MAP2K6: variants seen among roughly 807,000 people sequenced by gnomAD.
MAP2K6 encodes dual specificity mitogen-activated protein kinase kinase 6.
Under a neutral mutation model 53.7 loss-of-function variants are expected in MAP2K6, and 16 were observed. The observed-to-expected ratio is 0.30, with a 90% confidence interval of 0.20 to 0.45. The LOEUF (loss-of-function observed/expected upper bound fraction) is 0.45, where lower values mean the gene tolerates loss of function less well. Among genes scored for constraint, MAP2K6 ranks in the 20% least tolerant of loss-of-function variants. MAP2K6 has a pLI of 1.00. For synonymous variants in MAP2K6, 132 were observed against 143.1 expected (o/e 0.92, Z 0.55); for missense variants, 204 against 411.9 (o/e 0.50, Z 4.37).
At chr17:69,428,465 A>C (rs577809387) in intron 1 of MAP2K6, among the ~76,000 whole-genome samples, 1 of 152,354 alleles carries the variant, frequency 6.6e-6, no homozygotes, top group Admixed American at 6.5e-5. Flanking sequence ...GTCATATTAA[A>C]GTTAGGGCCC....
At chr17:69,418,254 G>A (rs1905966513) in intron 1 of MAP2K6, among the ~76,000 whole-genome samples, 1 of 152,120 alleles carries the variant, frequency 6.6e-6, no homozygotes, top group Admixed American at 6.5e-5. Context: ...TTTAGAGCAT[G>A]CGGCCTGTTA....
intron 1 of MAP2K6, among the ~76,000 whole-genome samples, chr17:69,482,580 G>A (rs1434553010): frequency 6.6e-6 from 1 of 150,962 alleles, no homozygotes; most frequent in African/African-American, 2.4e-5. Context: ...TTCACTTAAT[G>A]TATTTTGGAG....
intron 10 of MAP2K6, among the ~76,000 whole-genome samples, chr17:69,529,668 G>A (rs943706966): frequency 2.0e-5 from 3 of 151,544 alleles, no homozygotes; most frequent in South Asian, 2.1e-4. Context: ...CCGCCACCAC[G>A]CCCGGCTAAT....
intron 6 of MAP2K6, chr17:69,520,687 G>T: frequency 2.7e-6 from 1 of 375,048 alleles, no homozygotes; most frequent in Non-Finnish European, 4.7e-6. Flanking sequence ...TTTCATTTAT[G>T]GATTTTTAAA....
At chr17:69,447,753 T>G (rs944768269) in intron 1 of MAP2K6, among the ~76,000 whole-genome samples, 1 of 152,196 alleles carries the variant, frequency 6.6e-6, no homozygotes, top group African/African-American at 2.4e-5. Flanking sequence ...TTTGGGCCAT[T>G]GGGGCATTCA....
At chr17:69,489,693 T>C (rs1297079685) in intron 1 of MAP2K6, among the ~76,000 whole-genome samples, 1 of 152,224 alleles carries the variant, frequency 6.6e-6, no homozygotes, top group African/African-American at 2.4e-5. Context: ...CTACAGTACT[T>C]TGAAAATAAG....
chr17:69,502,571 T>C (rs1171900257), intron 1 of MAP2K6: 1 of 985,212 alleles, frequency 1.0e-6, no homozygotes. Flanking sequence ...GGAGCTGATA[T>C]ACTTGGAAAT....
chr17:69,438,774 G>C (rs1250445079), intron 1 of MAP2K6, among the ~76,000 whole-genome samples: 1 of 151,994 alleles, frequency 6.6e-6, no homozygotes, highest in African/African-American at 2.4e-5. Flanking sequence ...TTGTAGAAAT[G>C]GGGTCTTACT....
chr17:69,527,586 C>G lies in MAP2K6; in HGVS notation c.881+877C>G, dbSNP rs191587271. Among the ~76,000 whole-genome samples the G allele has an allele frequency of 2.0e-5, 3 of 152,246 alleles. No homozygotes were observed. The East Asian group carries it at 5.8e-4, about 29-fold the overall frequency. On this transcript the variant is annotated intron_variant, in intron 10 of 11. Transcript: ENST00000590474. ...GGCAAGTGATGCTGGAAGCAGGATG[C>G]CAGAAGTGAAGCACACCCCTGAGCC...
intron 7 of MAP2K6, among the ~76,000 whole-genome samples, chr17:69,522,812 T>A (rs996886819): frequency 1.3e-5 from 2 of 151,550 alleles, no homozygotes; most frequent in African/African-American, 4.9e-5. Flanking sequence ...TCACAGCCCT[T>A]TGGGAGGTGG....
chr17:69,530,991 C>G lies in MAP2K6; in HGVS notation c.881+4282C>G, dbSNP rs926801534. On this transcript the variant is annotated intron_variant, in intron 10 of 11. Coordinates refer to ENST00000590474, the MANE Select transcript of MAP2K6 (RefSeq NM_002758.4). ...CCCTGTGCACGTAACTCCCCTTTAT[C>G]AGCTATTCTTTTATTTTTCTCATGA... Among the ~76,000 whole-genome samples, 5 of 152,052 alleles carry G rather than the reference C, an allele frequency of 3.3e-5. 1 individual carries two copies. The East Asian group carries it at 9.6e-4, about 29-fold the overall frequency.
At chr17:69,428,836 A>G (rs937902754) in intron 1 of MAP2K6, among the ~76,000 whole-genome samples, 1 of 147,488 alleles carries the variant, frequency 6.8e-6, no homozygotes, top group Admixed American at 6.8e-5. Flanking sequence ...CGGACAGACT[A>G]CCTGCCCTTT....
At chr17:69,461,733 C>T (rs1182251908) in intron 1 of MAP2K6, among the ~76,000 whole-genome samples, 1 of 152,164 alleles carries the variant, frequency 6.6e-6, no homozygotes, top group African/African-American at 2.4e-5. Flanking sequence ...CCTTTGCATC[C>T]TCGTCCCAAG....
At chr17:69,452,140 G>T (rs527978531) in intron 1 of MAP2K6, among the ~76,000 whole-genome samples, 2 of 151,832 alleles carry the variant, frequency 1.3e-5, no homozygotes, top group South Asian at 4.2e-4. Context: ...TACCCCTAGG[G>T]TACATTTACA....
chr17:69,449,531 G>GTCTTTCTTTCTTTGTCTT (rs1555602226), intron 1 of MAP2K6, among the ~76,000 whole-genome samples: 1,363 of 103,286 alleles, frequency 0.013, 31 homozygotes, highest in South Asian at 0.025. Flanking sequence ...TTCTTTCTTT[G>GTCTTTCTTTCTTTGTCTT]TCTTTCTTTC....
At position 69,551,924 on chromosome 17, in the gene MAP2K6, C is replaced by G. The variant is rs1476321397; in HGVS notation, c.*10171C>G. On this transcript the variant is annotated 3_prime_UTR_variant, in exon 12 of 12. Coordinates refer to ENST00000590474, the MANE Select transcript of MAP2K6 (RefSeq NM_002758.4). Reference sequence around the variant, plus strand: ...ATTTTGTGAAAATCTTGATGAGACACTAGAATTTCTTTATGGAATTGAACT... The same window carrying G: ...ATTTTGTGAAAATCTTGATGAGACAGTAGAATTTCTTTATGGAATTGAACT... 2 of 152,072 alleles carry G rather than the reference C, an allele frequency of 1.3e-5. No individual in the cohort carries two copies. Among genetic ancestry groups the G allele is most frequent in the African/African-American group, 4.8e-5 (2 of 41,398 alleles). The allele number at this position is 152,072 out of a possible 1,614,324, so 9.4% of individuals were successfully genotyped here.
chr17:69,434,334 T>C (rs1302793851), intron 1 of MAP2K6: 3 of 152,260 alleles, frequency 2.0e-5, no homozygotes, highest in Admixed American at 2.0e-4. Flanking sequence ...TCATACGACA[T>C]GTCTCCCCCT....
At chr17:69,417,285 G>A (rs909298362) in intron 1 of MAP2K6, among the ~76,000 whole-genome samples, 4 of 152,128 alleles carry the variant, frequency 2.6e-5, no homozygotes, top group African/African-American at 9.7e-5. Flanking sequence ...TCTAACCCAA[G>A]AAATGGGAGG....
intron 1 of MAP2K6, among the ~76,000 whole-genome samples, chr17:69,459,787 TA>T (rs35175466): frequency 6.0e-5 from 9 of 149,592 alleles, no homozygotes; most frequent in East Asian, 3.9e-4. Context: ...GTGTCTTTCT[TA>T]AAAAAAAAAT....
Sources: gnomAD v4.1 joint callset for allele counts (sites outside exome capture counted in the v4.1 genomes callset) on GRCh38, gnomAD v4.1.1 for gene constraint, MANE v1.5 for transcripts, NCBI Gene and HGNC (gene_info 2026-07-23, HGNC 2026-07-21) for gene names.